AGPAT3: variants seen among roughly 807,000 people sequenced by gnomAD.
AGPAT3 encodes 1-acyl-sn-glycerol-3-phosphate acyltransferase gamma.
A neutral mutation model predicts 47.3 loss-of-function variants in AGPAT3; 5 were observed. That is an observed-to-expected ratio of 0.11 (90% CI 0.06 to 0.22). The LOEUF (loss-of-function observed/expected upper bound fraction) is 0.22. Among genes scored for constraint, AGPAT3 ranks in the 10% least tolerant of loss-of-function variants. AGPAT3 has a pLI of 1.00. For missense variants in AGPAT3, 315 were observed against 493.0 expected (o/e 0.64, Z 3.42); for synonymous variants, 212 against 208.3 (o/e 1.02, Z -0.15).
chr21:43,926,978 C>CAAAAA (rs905520861), intron 2 of AGPAT3, among the ~76,000 whole-genome samples: 1 of 54,480 alleles, frequency 1.8e-5, no homozygotes, highest in Non-Finnish European at 3.9e-5. Context: ...GACTCTGTCT[C>CAAAAA]AAAAAAAAAA....
At chr21:43,951,171 C>G (rs2088174797) in intron 2 of AGPAT3, among the ~76,000 whole-genome samples, 2 of 152,200 alleles carry the variant, frequency 1.3e-5, no homozygotes, top group African/African-American at 4.8e-5. Context: ...GGGGCCAGGT[C>G]TGCTCGGCCC....
rs2087601212 is a variant in AGPAT3 at position 43,939,943 on chromosome 21, GCT to G, written c.-48-19690_-48-19689del. Among the ~76,000 whole-genome samples the G allele has an allele frequency of 6.6e-6, 1 of 152,228 alleles. No individual in the cohort carries two copies. The highest frequency in any genetic ancestry group is 2.1e-4 in the South Asian group (1 of 4,832). On this transcript the variant is annotated intron_variant, in intron 2 of 9. Transcript: ENST00000291572. This position sits in a 1 kb window ranked among gnomAD's most constrained non-coding sequence, Gnocchi z 4.4. ...CGGTGCCCCGACGGCAGAGCCCGCAGCTGTGCGCAGGAGGACGAACCTGTGTG... is the reference window on the plus strand; with the variant it reads ...CGGTGCCCCGACGGCAGAGCCCGCAGGTGCGCAGGAGGACGAACCTGTGTG...
intron 3 of AGPAT3, among the ~76,000 whole-genome samples, chr21:43,963,728 AAAGAT>A (rs1486572210): frequency 2.8e-4 from 42 of 151,164 alleles, no homozygotes; most frequent in African/African-American, 8.3e-4. Context: ...AAAAAAAAAA[AAAGAT>A]AAGGAAGTCT....
At chr21:43,892,319 A>AG (rs997712410) in intron 1 of AGPAT3, among the ~76,000 whole-genome samples, 1 of 144,942 alleles carries the variant, frequency 6.9e-6, no homozygotes, top group African/African-American at 2.9e-5. Flanking sequence ...AAAAAAAAAA[A>AG]GAAAAAAAAA....
intron 2 of AGPAT3, among the ~76,000 whole-genome samples, chr21:43,951,646 T>C (rs987722596): frequency 6.6e-6 from 1 of 152,108 alleles, no homozygotes; most frequent in African/African-American, 2.4e-5. Context: ...GGGAAGATAG[T>C]GCTATATTTC....
Position 43,927,122 on chromosome 21 carries a change from G to C in AGPAT3, c.-49+23103G>C, listed in dbSNP as rs931852337. On this transcript the variant is annotated intron_variant, in intron 2 of 9. Transcript: ENST00000291572. ...CAGCCAATACCAGATTTGAACAGTG[G>C]TCAGTCCTGGGGATGGAGACGGGGT... 2.1e-4 allele frequency among the ~76,000 whole-genome samples: 32 copies of C among 152,064 alleles called. 1 individual carries two copies. Among genetic ancestry groups the C allele is most frequent in the Non-Finnish European group, 1.5e-4 (10 of 68,014 alleles).
At chr21:43,870,974 G>A (rs2085612506) in intron 1 of AGPAT3, among the ~76,000 whole-genome samples, 1 of 152,150 alleles carries the variant, frequency 6.6e-6, no homozygotes, top group African/African-American at 2.4e-5. Context: ...AGGGCCAGGT[G>A]GGTATAGGAC....
intron 8 of AGPAT3, among the ~76,000 whole-genome samples, chr21:43,978,563 C>T (rs1410356673): frequency 6.6e-6 from 1 of 152,234 alleles, no homozygotes; most frequent in Non-Finnish European, 1.5e-5. Flanking sequence ...CTGGCCTCGG[C>T]CTCCCAAAGT....
At chr21:43,879,332 A>C (rs1472627981) in intron 1 of AGPAT3, among the ~76,000 whole-genome samples, 1 of 139,542 alleles carries the variant, frequency 7.2e-6, no homozygotes, top group Non-Finnish European at 1.5e-5. Context: ...CCTACAACAG[A>C]GTGAGACTCT....
intron 1 of AGPAT3, 82 bp downstream of exon 1, chr21:43,865,427 C>G (rs1437797318): frequency 6.8e-6 from 1 of 146,762 alleles, no homozygotes; most frequent in Non-Finnish European, 1.5e-5. Context: ...CGCCCTCCCG[C>G]CGCCGGAGGT....
chr21:43,905,310 C>T (rs915930138), intron 2 of AGPAT3, among the ~76,000 whole-genome samples: 1 of 151,924 alleles, frequency 6.6e-6, no homozygotes, highest in African/African-American at 2.4e-5. Context: ...CTGCCTCAGC[C>T]CCCTGAGTAG....
rs1193382345 is a variant in AGPAT3 at position 43,932,513 on chromosome 21, G to A, written c.-48-27121G>A. Among the ~76,000 whole-genome samples the A allele has an allele frequency of 2.6e-5, 4 of 152,220 alleles. No individual in the cohort carries two copies. The highest frequency in any genetic ancestry group is 5.9e-5 in the Non-Finnish European group (4 of 68,048). On this transcript the variant is annotated intron_variant, in intron 2 of 9. Transcript: ENST00000291572. This position sits in a 1 kb window ranked among gnomAD's most constrained non-coding sequence, Gnocchi z 5.2. ...GCTCGCTATCCATTCGTCTGTTGGTGGGCACCTGGGCTGCCTCCATCGTGT... is the reference window on the plus strand; with the variant it reads ...GCTCGCTATCCATTCGTCTGTTGGTAGGCACCTGGGCTGCCTCCATCGTGT...
intron 2 of AGPAT3, among the ~76,000 whole-genome samples, chr21:43,910,878 G>A (rs1041323551): frequency 1.3e-5 from 2 of 152,016 alleles, no homozygotes; most frequent in South Asian, 2.1e-4. Context: ...GGAGGTTAAG[G>A]CGCACAAGTT....
chr21:43,905,171 T>G (rs943840624), intron 2 of AGPAT3, among the ~76,000 whole-genome samples: 4 of 141,576 alleles, frequency 2.8e-5, no homozygotes, highest in Non-Finnish European at 4.5e-5. Context: ...ATTTATTTAT[T>G]TATTTATTTA....
At chr21:43,973,292 G>A (rs541997327) in intron 7 of AGPAT3, among the ~76,000 whole-genome samples, 5 of 152,348 alleles carry the variant, frequency 3.3e-5, no homozygotes, top group Non-Finnish European at 5.9e-5. Context: ...GTGACTGACC[G>A]GGGCCCTGGA....
intron 2 of AGPAT3, among the ~76,000 whole-genome samples, chr21:43,909,661 C>CACTCTGTCG: frequency 1.3e-5 from 2 of 152,170 alleles, no homozygotes; most frequent in Admixed American, 1.3e-4. Flanking sequence ...TGAAAGGTAT[C>CACTCTGTCG]CCGACGGTGC....
intron 1 of AGPAT3, among the ~76,000 whole-genome samples, chr21:43,896,943 G>GTTTTTTTTTTTTTTTTTTTTTTTTTTCT (rs61657564): frequency 4.7e-5 from 2 of 42,322 alleles, no homozygotes; most frequent in Non-Finnish European, 8.9e-5. Flanking sequence ...TTGACAGTCC[G>GTTTTTTTTTTTTTTTTTTTTTTTTTTCT]TTTTTTTTTT....
chr21:43,875,575 C>G (rs2085715980), intron 1 of AGPAT3, among the ~76,000 whole-genome samples: 1 of 152,232 alleles, frequency 6.6e-6, no homozygotes, highest in African/African-American at 2.4e-5. Context: ...TTTAGCAACT[C>G]TATCTTCATC....
At chr21:43,975,835 G>A (rs1569107146) in intron 7 of AGPAT3, among the ~76,000 whole-genome samples, 1 of 152,166 alleles carries the variant, frequency 6.6e-6, no homozygotes, top group African/African-American at 2.4e-5. Flanking sequence ...CAGCCCAGCT[G>A]TCCCCACCTG....
Sources: allele counts gnomAD v4.1 joint callset (sites outside exome capture counted in the v4.1 genomes callset), GRCh38; gene constraint gnomAD v4.1.1; non-coding constraint Gnocchi (gnomAD v3.1); transcripts MANE v1.5; gene names NCBI Gene and HGNC (gene_info 2026-07-23, HGNC 2026-07-21).